Variants in ENPP1 observed in about 807,000 individuals in gnomAD.
The protein encoded by ENPP1 is ectonucleotide pyrophosphatase/phosphodiesterase 1, also known as ectonucleotide pyrophosphatase/phosphodiesterase family member 1.
ENPP1 carries 73 observed loss-of-function variants against 122.8 expected under a neutral mutation model. The observed-to-expected ratio is 0.59, with a 90% CI of 0.49 to 0.72. The LOEUF is 0.72. Ranked by LOEUF, ENPP1 falls within the 30% of genes least tolerant of loss-of-function variation. The probability of loss-of-function intolerance (pLI) is 0.00; values close to 1 mark genes in which losing one functional copy is unlikely to be tolerated. For missense variants in ENPP1, 978 were observed against 1,128.1 expected (o/e 0.87, Z 1.91); for synonymous variants, 367 against 391.6 (o/e 0.94, Z 0.74).
At chr6:131,880,780 C>T (rs1782294548) in intron 20 of ENPP1, among the ~76,000 whole-genome samples, 1 of 152,102 alleles carries the variant, frequency 6.6e-6, no homozygotes, top group African/African-American at 2.4e-5. Flanking sequence ...GCCATTAAAG[C>T]TCAGTAACAT....
intron 1 of ENPP1, among the ~76,000 whole-genome samples, chr6:131,834,958 A>G (rs1781657717): frequency 6.6e-6 from 1 of 152,154 alleles, no homozygotes; most frequent in South Asian, 2.1e-4. Flanking sequence ...ATTTGTAGAC[A>G]TTTTACATTT....
intron 1 of ENPP1, chr6:131,827,230 GT>G: frequency 1.0e-6 from 1 of 982,458 alleles, no homozygotes; most frequent in Non-Finnish European, 1.6e-6. Context: ...AGGTTGATCT[GT>G]TTCAGTTTGT....
chr6:131,883,821 A>C lies in ENPP1; in HGVS notation c.2311+47A>C, dbSNP rs779070260. 1.4e-5 allele frequency: 13 copies of C among 937,794 alleles called. No homozygotes were observed. In the East Asian group the frequency reaches 3.1e-4, roughly 23 times the overall value. The allele number at this position is 937,794 out of a possible 1,614,324, so 58.1% of individuals were successfully genotyped here. The stretch of plus-strand genomic sequence containing the variant: ...TTTGATAATTTTAATGAATTTGTGC[A>C]CATATAGGCATAATTCATATGTAAT... On this transcript the variant is annotated intron_variant, in intron 22 of 24. Transcript: ENST00000647893.
Position 131,890,777 on chromosome 6 carries a change from C to A in ENPP1, c.*266C>A. The A allele has an allele frequency of 2.2e-6, 1 of 462,572 alleles. No individual in the cohort carries two copies. The highest frequency in any genetic ancestry group is 6.2e-4 in the Middle Eastern group (1 of 1,626). The allele number at this position is 462,572 out of a possible 1,614,324, so 28.7% of individuals were successfully genotyped here. A position where few individuals can be genotyped will look rare whatever the true frequency, so the allele number is the denominator to read the frequency against. Reference sequence around the variant, plus strand: ...TAAAGACAGACCACACCTAAAACTGCCTTTCTGCTTCTCTTAAAGGAGAAG... The same window carrying A: ...TAAAGACAGACCACACCTAAAACTGACTTTCTGCTTCTCTTAAAGGAGAAG... On this transcript the variant is annotated 3_prime_UTR_variant, in exon 25 of 25. Coordinates refer to ENST00000647893, the MANE Select transcript of ENPP1 (RefSeq NM_006208.3).
chr6:131,883,313 G>A (rs1253552108), intron 21 of ENPP1, among the ~76,000 whole-genome samples: 1 of 152,178 alleles, frequency 6.6e-6, no homozygotes, highest in Non-Finnish European at 1.5e-5. Flanking sequence ...TTTTTTCTGG[G>A]TAGCAGGTGT....
At chr6:131,859,642 A>G (rs954544401) in intron 7 of ENPP1, among the ~76,000 whole-genome samples, 1 of 152,044 alleles carries the variant, frequency 6.6e-6, no homozygotes, top group African/African-American at 2.4e-5. Flanking sequence ...ACAAAGACAA[A>G]AGAGTATATT....
intron 20 of ENPP1, among the ~76,000 whole-genome samples, chr6:131,880,391 A>G (rs751004470): frequency 2.0e-5 from 3 of 151,922 alleles, no homozygotes; most frequent in Non-Finnish European, 2.9e-5. Context: ...GTGAAACTCC[A>G]TCTCTACTAA....
chr6:131,827,658 G>T, intron 1 of ENPP1: 1 of 629,674 alleles, frequency 1.6e-6, no homozygotes, highest in South Asian at 1.7e-5. Flanking sequence ...CACTATAAAT[G>T]ATGTCCTTCT....
intron 1 of ENPP1, among the ~76,000 whole-genome samples, chr6:131,838,364 C>T (rs570095852): frequency 3.4e-4 from 51 of 151,938 alleles, no homozygotes; most frequent in African/African-American, 1.1e-3. Flanking sequence ...TGCAGACTAA[C>T]GAATACTGAG....
chr6:131,826,917 T>C, intron 1 of ENPP1: 1 of 392,068 alleles, frequency 2.6e-6, no homozygotes, highest in Non-Finnish European at 4.8e-6. Flanking sequence ...ATACCCAGCA[T>C]GGGATTTTTC....
intron 1 of ENPP1, chr6:131,826,819 G>A (rs1781551635): frequency 5.1e-6 from 2 of 393,834 alleles, no homozygotes; most frequent in Non-Finnish European, 9.5e-6. Flanking sequence ...GTACTGAACT[G>A]TTGAGGGAGA....
At chr6:131,870,586 G>A (rs565115835) in intron 13 of ENPP1, among the ~76,000 whole-genome samples, 1 of 152,196 alleles carries the variant, frequency 6.6e-6, no homozygotes, top group East Asian at 1.9e-4. Context: ...TGGTCTATTT[G>A]GTAAGATATG....
intron 21 of ENPP1, among the ~76,000 whole-genome samples, chr6:131,883,106 C>A (rs759421408): frequency 4.6e-5 from 7 of 152,124 alleles, no homozygotes; most frequent in Non-Finnish European, 8.8e-5. Context: ...TGATGAGAAG[C>A]CATTTTGGGG....
At position 131,893,585 on chromosome 6, in the gene ENPP1, T is replaced by A. The variant is rs1471919368; in HGVS notation, c.*3074T>A. ...TCACTGTGACCAACTTATGTACACATACTTTTTCTTGCTTAGTTATAATAA... is the reference window on the plus strand; with the variant it reads ...TCACTGTGACCAACTTATGTACACAAACTTTTTCTTGCTTAGTTATAATAA... On this transcript the variant is annotated 3_prime_UTR_variant, in exon 25 of 25. Transcript: ENST00000647893. 6.6e-6 allele frequency: 1 copy of A among 152,254 alleles called. No individual in the cohort carries two copies. The highest frequency in any genetic ancestry group is 1.5e-5 in the Non-Finnish European group (1 of 68,036). 9.4% of individuals were successfully genotyped at this position (152,254 alleles called of 1,614,324 possible). A position where few individuals can be genotyped will look rare whatever the true frequency, so the allele number is the denominator to read the frequency against.
chr6:131,817,882 A>G (rs73780761), intron 1 of ENPP1, among the ~76,000 whole-genome samples: 2,826 of 152,158 alleles, frequency 0.019, 113 homozygotes, highest in African/African-American at 0.063. Flanking sequence ...AATTGTCACA[A>G]GTGTTTCTCA....
chr6:131,875,723 C>T (rs1782223470), intron 16 of ENPP1, 53 bp from the exon 17 acceptor site: 1 of 1,453,060 alleles, frequency 6.9e-7, no homozygotes, highest in Admixed American at 1.7e-5. Flanking sequence ...TTTTTGGGAC[C>T]AACTTGTAGA....
At chr6:131,882,056 A>AAT (rs1473884490) in intron 20 of ENPP1, among the ~76,000 whole-genome samples, 1 of 150,202 alleles carries the variant, frequency 6.7e-6, no homozygotes, top group Non-Finnish European at 1.5e-5. Flanking sequence ...TAAATAAATA[A>AAT]ATATTTAAAA....
intron 2 of ENPP1, among the ~76,000 whole-genome samples, chr6:131,849,654 A>G (rs930886506): frequency 2.0e-5 from 3 of 152,244 alleles, no homozygotes; most frequent in Admixed American, 6.5e-5. Flanking sequence ...CAAAGTATTC[A>G]GAACAAGCCT....
intron 1 of ENPP1, among the ~76,000 whole-genome samples, chr6:131,813,529 C>CAA (rs112662261): frequency 1.6e-4 from 21 of 128,842 alleles, no homozygotes; most frequent in Admixed American, 8.6e-4. Flanking sequence ...GACTCTGTCT[C>CAA]AAAAAAAAAA....
Sources: allele counts gnomAD v4.1 joint callset (sites outside exome capture counted in the v4.1 genomes callset), GRCh38; gene constraint gnomAD v4.1.1; transcripts MANE v1.5; gene names NCBI Gene and HGNC (gene_info 2026-07-23, HGNC 2026-07-21).